Variants in CHL1 observed in about 807,000 individuals in gnomAD.
CHL1 encodes the protein neural cell adhesion molecule L1-like protein.
A neutral mutation model predicts 141.9 loss-of-function variants in CHL1; 96 were observed. The observed-to-expected ratio is 0.68, with a 90% CI of 0.57 to 0.80. The LOEUF (loss-of-function observed/expected upper bound fraction) is 0.80. Among genes scored for constraint, CHL1 ranks in the 30% least tolerant of loss-of-function variants. The pLI, the probability that CHL1 is intolerant of heterozygous loss-of-function variation, is 0.00. For synonymous variants in CHL1, 613 were observed against 502.2 expected (o/e 1.22, Z -2.95); for missense variants, 1,820 against 1,457.2 (o/e 1.25, Z -4.05).
Position 363,088 on chromosome 3 carries a change from C to G in CHL1, c.1419-129C>G, listed in dbSNP as rs4684390. On this transcript the variant is annotated intron_variant, in intron 13 of 27. Transcript: ENST00000256509. ...CATTTTGAGAAAAATATGAAACCCA[C>G]TGGAACATTTCATGAGGTTTTCTGA... The G allele has an allele frequency of 0.027, 18,799 of 693,114 alleles. 2,620 individuals carry two copies. The African/African-American group carries it at 0.3, about 11-fold the overall frequency. 42.9% of individuals were successfully genotyped at this position (693,114 alleles called of 1,614,324 possible). A position where few individuals can be genotyped will look rare whatever the true frequency, so the allele number is the denominator to read the frequency against.
chr3:401,206 T>C (rs1047295401), intron 26 of CHL1, among the ~76,000 whole-genome samples: 13 of 152,174 alleles, frequency 8.5e-5, no homozygotes, highest in African/African-American at 3.1e-4. Flanking sequence ...CCAGCCTTGA[T>C]TGACTTTTTA....
At chr3:327,149 G>A (rs7644394) in intron 4 of CHL1, among the ~76,000 whole-genome samples, 5,372 of 151,970 alleles carry the variant, frequency 0.035, 329 homozygotes, top group African/African-American at 0.12. Context: ...AGTCAGGAGG[G>A]TGGCTGGGTA....
At chr3:333,261 T>A (rs1701608388) in intron 5 of CHL1, among the ~76,000 whole-genome samples, 1 of 151,710 alleles carries the variant, frequency 6.6e-6, no homozygotes, top group Non-Finnish European at 1.5e-5. Context: ...TATTGAATAG[T>A]AACCCAACCC....
intron 1 of CHL1, among the ~76,000 whole-genome samples, chr3:205,051 A>T (rs1699285585): frequency 1.3e-5 from 2 of 151,774 alleles, no homozygotes; most frequent in Non-Finnish European, 2.9e-5. Context: ...AACCCAGTTC[A>T]TAGCCCACTC....
At chr3:203,098 A>T (rs1699096342) in intron 1 of CHL1, among the ~76,000 whole-genome samples, 1 of 152,172 alleles carries the variant, frequency 6.6e-6, no homozygotes, top group Non-Finnish European at 1.5e-5. Flanking sequence ...TAAAAATGAG[A>T]CTTTCATCCT....
In CHL1 at chr3:408,213, G is replaced by A. The variant is rs1000201150; in HGVS notation, c.*2502G>A. 9.9e-5 allele frequency: 15 copies of A among 152,072 alleles called. No individual in the cohort carries two copies. The highest frequency in any genetic ancestry group is 1.9e-4 in the Non-Finnish European group (13 of 68,006). The allele number at this position is 152,072 out of a possible 1,614,324, so 9.4% of individuals were successfully genotyped here. A position where few individuals can be genotyped will look rare whatever the true frequency, so the allele number is the denominator to read the frequency against. On this transcript the variant is annotated 3_prime_UTR_variant, in exon 28 of 28. Transcript: ENST00000256509. ...GCTTGTTTGCAAATTGCCCACTCGT[G>A]ATAAGTCAACAGCCAATATTTAAAA...
At chr3:322,642 TAA>T (rs1194400069) in intron 3 of CHL1, among the ~76,000 whole-genome samples, 3 of 86,136 alleles carry the variant, frequency 3.5e-5, no homozygotes, top group South Asian at 3.1e-4. Context: ...TATATATATA[TAA>T]AATATATATA....
At chr3:377,776 A>T (rs375548372) in intron 15 of CHL1, 42 bp from the exon 16 acceptor site, 1 of 1,523,244 alleles carries the variant, frequency 6.6e-7, no homozygotes, top group East Asian at 2.3e-5. Flanking sequence ...TATCATTTCT[A>T]TTGTTTTCCT....
chr3:270,103 C>T (rs561380418), intron 2 of CHL1, among the ~76,000 whole-genome samples: 3 of 152,212 alleles, frequency 2.0e-5, no homozygotes, highest in African/African-American at 7.2e-5. Flanking sequence ...CAGCTCCTTC[C>T]AGCCATAGTT....
intron 2 of CHL1, among the ~76,000 whole-genome samples, chr3:306,771 G>C (rs974864956): frequency 6.6e-6 from 1 of 152,118 alleles, no homozygotes; most frequent in Non-Finnish European, 1.5e-5. Context: ...CCCAAACCAT[G>C]AACTATTTAT....
At chr3:223,366 A>T (rs331854) in intron 1 of CHL1, among the ~76,000 whole-genome samples, 17,765 of 152,196 alleles carry the variant, frequency 0.12, 1,409 homozygotes, top group East Asian at 0.39. Flanking sequence ...TTATGGAGGT[A>T]AGATGACTTT....
chr3:391,828 G>C (rs770360960), intron 23 of CHL1, 31 bp downstream of exon 23: 18 of 1,536,386 alleles, frequency 1.2e-5, no homozygotes, highest in Admixed American at 6.0e-5. Context: ...GAGTTAACTT[G>C]TTAATGTTTC....
At chr3:389,628 T>A (rs1708061260) in intron 20 of CHL1, among the ~76,000 whole-genome samples, 154 bp downstream of exon 20, 1 of 152,204 alleles carries the variant, frequency 6.6e-6, no homozygotes, top group Non-Finnish European at 1.5e-5. Flanking sequence ...ATGACTTCTA[T>A]CTTAGGATTG....
At position 273,043 on chromosome 3, in the gene CHL1, C is replaced by G. The variant is rs144933056; in HGVS notation, c.-95+28351C>G. On this transcript the variant is annotated intron_variant, in intron 2 of 27. Transcript: ENST00000256509. ...TCTTTCTGAAGCGGTGCCTTTGAAC[C>G]TGAGATTTGACTGACATCTCTGCGA... Among the ~76,000 whole-genome samples the G allele has an allele frequency of 6.5e-3, 986 of 152,274 alleles. 14 individuals are homozygous for G. Among genetic ancestry groups the G allele is most frequent in the African/African-American group, 0.022 (932 of 41,560 alleles).
intron 16 of CHL1, among the ~76,000 whole-genome samples, chr3:378,762 C>G (rs1446405101): frequency 6.6e-6 from 1 of 152,208 alleles, no homozygotes; most frequent in Admixed American, 6.5e-5. Flanking sequence ...CTTCTGCAGA[C>G]AGGGTCTCCT....
chr3:198,617 A>G (rs140246124), intron 1 of CHL1, among the ~76,000 whole-genome samples: 2 of 152,210 alleles, frequency 1.3e-5, no homozygotes, highest in Non-Finnish European at 2.9e-5. Flanking sequence ...GATACAAGTA[A>G]TTTAACACCA....
intron 1 of CHL1, among the ~76,000 whole-genome samples, chr3:224,616 T>A (rs974222122): frequency 2.0e-5 from 3 of 152,074 alleles, no homozygotes; most frequent in African/African-American, 7.2e-5. Flanking sequence ...AACTCCCTAA[T>A]GCTCACCCAG....
At chr3:239,663 G>A (rs937964312) in intron 1 of CHL1, among the ~76,000 whole-genome samples, 2 of 151,384 alleles carry the variant, frequency 1.3e-5, no homozygotes, top group African/African-American at 4.9e-5. Context: ...GGTTGCGTAA[G>A]TTCTTTTATG....
chr3:304,708 T>G (rs955684159), intron 2 of CHL1, among the ~76,000 whole-genome samples: 4 of 152,182 alleles, frequency 2.6e-5, no homozygotes, highest in African/African-American at 9.7e-5. Flanking sequence ...GTTTCATTGA[T>G]TTTTTGAAGG....
Sources: gnomAD v4.1 joint callset for allele counts (sites outside exome capture counted in the v4.1 genomes callset) on GRCh38, gnomAD v4.1.1 for gene constraint, MANE v1.5 for transcripts, NCBI Gene and HGNC (gene_info 2026-07-23, HGNC 2026-07-21) for gene names.